Variants in LRRC49 observed in about 807,000 individuals in gnomAD.
LRRC49 encodes the protein leucine rich repeat containing 49, also known as leucine-rich repeat-containing protein 49.
LRRC49 carries 50 observed loss-of-function variants against 83.3 expected under a neutral mutation model. That is an observed-to-expected ratio of 0.60 (90% CI 0.48 to 0.76). LRRC49 has a LOEUF of 0.76. Among genes scored for constraint, LRRC49 ranks in the 30% least tolerant of loss-of-function variants. The pLI is 0.00. For synonymous variants in LRRC49, 286 were observed against 283.3 expected, an observed-to-expected ratio of 1.01 and a Z score of -0.10; for missense variants, 704 against 809.1, an observed-to-expected ratio of 0.87 and a Z score of 1.58.
At chr15:71,014,988 A>G (rs1236176068) in intron 14 of LRRC49, among the ~76,000 whole-genome samples, 1 of 152,224 alleles carries the variant, frequency 6.6e-6, no homozygotes, top group Admixed American at 6.5e-5. Context: ...TTGAACATCT[A>G]TTAAACTGAA....
At chr15:70,950,598 T>C (rs976164911) in intron 8 of LRRC49, among the ~76,000 whole-genome samples, 1 of 152,206 alleles carries the variant, frequency 6.6e-6, no homozygotes, top group South Asian at 2.1e-4. Flanking sequence ...TTGACCATTT[T>C]ATAATGGGGT....
At chr15:70,893,158 G>A in intron 1 of LRRC49, 1 of 617,702 alleles carries the variant, frequency 1.6e-6, no homozygotes, top group Non-Finnish European at 2.9e-6. Context: ...GGGCTCCCCA[G>A]AAGGTGGAGC....
intron 3 of LRRC49, 40 bp from the exon 4 acceptor site, chr15:70,900,882 G>C (rs780933515): frequency 4.7e-6 from 6 of 1,269,312 alleles, no homozygotes; most frequent in South Asian, 3.8e-5. Flanking sequence ...GACTTCGAAG[G>C]TTTTTCTTAA....
chr15:70,904,469 CA>C (rs774431949), intron 4 of LRRC49, 82 bp from the exon 5 acceptor site: 1 of 900,554 alleles, frequency 1.1e-6, no homozygotes, highest in Non-Finnish European at 1.7e-6. Flanking sequence ...AGAATGGGAG[CA>C]CAAAGATACT....
chr15:71,036,260 A>G (rs2039516232), intron 14 of LRRC49, among the ~76,000 whole-genome samples: 1 of 152,030 alleles, frequency 6.6e-6, no homozygotes, highest in South Asian at 2.1e-4. Flanking sequence ...AGATGGATAG[A>G]TAGCAAAAAT....
At chr15:71,023,716 C>T (rs182950570) in intron 14 of LRRC49, among the ~76,000 whole-genome samples, 1 of 152,318 alleles carries the variant, frequency 6.6e-6, no homozygotes, top group Non-Finnish European at 1.5e-5. Context: ...ATCAGGAGAT[C>T]CCCCTTATGA....
At chr15:70,910,773 G>A (rs1267976433) in intron 5 of LRRC49, among the ~76,000 whole-genome samples, 1 of 152,140 alleles carries the variant, frequency 6.6e-6, no homozygotes, top group Non-Finnish European at 1.5e-5. Flanking sequence ...TACCTACTTG[G>A]CACCAGGCAC....
chr15:71,046,313 C>T (rs1046721707), intron 15 of LRRC49, among the ~76,000 whole-genome samples: 5 of 152,152 alleles, frequency 3.3e-5, no homozygotes, highest in African/African-American at 1.2e-4. Flanking sequence ...AATTATATTC[C>T]CACCAGCAGT....
chr15:70,909,607 G>A (rs1485755489), intron 5 of LRRC49, among the ~76,000 whole-genome samples: 1 of 152,142 alleles, frequency 6.6e-6, no homozygotes, highest in Non-Finnish European at 1.5e-5. Flanking sequence ...TTGGGAGGGT[G>A]AGGCAGGCGG....
intron 9 of LRRC49, among the ~76,000 whole-genome samples, chr15:70,976,092 T>C (rs2037196595): frequency 6.6e-6 from 1 of 152,162 alleles, no homozygotes; most frequent in Non-Finnish European, 1.5e-5. Flanking sequence ...GCAGTGTTCT[T>C]TGCGTGATCA....
At chr15:70,941,360 G>A (rs2035807276) in intron 8 of LRRC49, among the ~76,000 whole-genome samples, 1 of 151,950 alleles carries the variant, frequency 6.6e-6, no homozygotes, top group African/African-American at 2.4e-5. Flanking sequence ...CTTTATTAAA[G>A]TGCTGTTTTT....
intron 8 of LRRC49, among the ~76,000 whole-genome samples, chr15:70,951,001 T>C (rs1393255047): frequency 6.6e-6 from 1 of 152,162 alleles, no homozygotes; most frequent in Non-Finnish European, 1.5e-5. Flanking sequence ...CTCAACACCA[T>C]TTATTGAATA....
At chr15:70,997,224 A>G (rs1248400698) in intron 11 of LRRC49, among the ~76,000 whole-genome samples, 1 of 152,192 alleles carries the variant, frequency 6.6e-6, no homozygotes, top group African/African-American at 2.4e-5. Flanking sequence ...TGTTAAGTGC[A>G]TATACCTTTA....
rs779233346 is a variant in LRRC49, at chr15:71,049,632, T to C, written c.*20T>C. The C allele has an allele frequency of 6.4e-7, 1 of 1,561,832 alleles. No individual in the cohort carries two copies. Among genetic ancestry groups the C allele is most frequent in the African/African-American group, 1.4e-5 (1 of 73,062 alleles). On this transcript the variant is annotated 3_prime_UTR_variant, in exon 16 of 16. Coordinates refer to ENST00000260382, the MANE Select transcript of LRRC49 (RefSeq NM_017691.5). ...AAATAAAAATGGCCTTTAGTTACAG[T>C]TGATTTTGGCAGTTTTATTTTTTGA... is the stretch of plus-strand genomic sequence containing the variant.
At chr15:70,859,427 A>T (rs747170078) in intron 1 of LRRC49, 2 of 738,650 alleles carry the variant, frequency 2.7e-6, no homozygotes, top group Admixed American at 3.5e-5. Flanking sequence ...GCAGTCCCAC[A>T]TCTCGGACAT....
intron 7 of LRRC49, among the ~76,000 whole-genome samples, chr15:70,928,221 C>A (rs1219492481): frequency 6.6e-6 from 1 of 152,050 alleles, no homozygotes; most frequent in Non-Finnish European, 1.5e-5. Context: ...CTCTTTTGCC[C>A]TTTCTACCGC....
intron 14 of LRRC49, among the ~76,000 whole-genome samples, chr15:71,035,541 C>T (rs1021486829): frequency 6.6e-6 from 1 of 152,068 alleles, no homozygotes; most frequent in African/African-American, 2.4e-5. Context: ...GTTCCCCTCC[C>T]TATGTCCATG....
chr15:70,909,779 C>T (rs2034470607), intron 5 of LRRC49, among the ~76,000 whole-genome samples: 1 of 149,860 alleles, frequency 6.7e-6, no homozygotes, highest in Non-Finnish European at 1.5e-5. Context: ...GCGGAGGTTG[C>T]AGTGAGCTGA....
At position 70,919,193 on chromosome 15, in the gene LRRC49, G is replaced by A. The variant is rs1262123411; in HGVS notation, c.711G>A (p.Val237=). The A allele has an allele frequency of 6.2e-7, 1 of 1,608,446 alleles. No individual in the cohort carries two copies. Among genetic ancestry groups the A allele is most frequent in the African/African-American group, 1.3e-5 (1 of 74,762 alleles). The change falls in exon 7 of 16, where the codon GTG becomes GTA. Residue 237 remains valine, a splice_region_variant and synonymous_variant. Transcript: ENST00000260382. ...LNLRHNQITF[V]RDVDNLPCLQ... ...TGCGACACAATCAAATCACTTTCGTGGTGAGTATTAAAATGGAGTTGATAT... is the reference window on the plus strand; with the variant it reads ...TGCGACACAATCAAATCACTTTCGTAGTGAGTATTAAAATGGAGTTGATAT...
Sources: gnomAD v4.1 joint callset for allele counts (sites outside exome capture counted in the v4.1 genomes callset) on GRCh38, gnomAD v4.1.1 for gene constraint, MANE v1.5 for transcripts, NCBI Gene and HGNC (gene_info 2026-07-23, HGNC 2026-07-21) for gene names.